Variants in PDE11A observed in about 807,000 individuals in gnomAD.
PDE11A encodes the protein phosphodiesterase 11A.
A neutral mutation model predicts 100.5 loss-of-function variants in PDE11A; 100 were observed. The ratio of observed to expected loss-of-function variants is 1.00; its 90% confidence interval spans 0.85 to 1.18. The LOEUF (loss-of-function observed/expected upper bound fraction) is 1.18, where lower values mean the gene tolerates loss of function less well. Among genes scored for constraint, PDE11A ranks in the 50% most tolerant of loss-of-function variants. PDE11A has a pLI of 0.00. For synonymous variants in PDE11A, 381 were observed against 420.8 expected (o/e 0.91, Z 1.16); for missense variants, 1,141 against 1,152.6 (o/e 0.99, Z 0.15).
At chr2:177,708,777 G>A (rs1014036141) in intron 13 of PDE11A, among the ~76,000 whole-genome samples, 1 of 152,128 alleles carries the variant, frequency 6.6e-6, no homozygotes, top group Non-Finnish European at 1.5e-5. Context: ...AACATTTATT[G>A]TTTATTATGC....
At chr2:177,762,276 G>A (rs145217611) in intron 10 of PDE11A, among the ~76,000 whole-genome samples, 2 of 152,334 alleles carry the variant, frequency 1.3e-5, no homozygotes, top group East Asian at 3.9e-4. Flanking sequence ...TGAACGAACA[G>A]TAGAGGGAAG....
chr2:178,026,660 C>CAAAAA (rs67326972), intron 1 of PDE11A, among the ~76,000 whole-genome samples: 7 of 108,012 alleles, frequency 6.5e-5, no homozygotes, highest in African/African-American at 2.5e-4. Flanking sequence ...GACTCTGTCT[C>CAAAAA]AAAAAAAAAA....
At chr2:177,944,728 G>C (rs971611900) in intron 2 of PDE11A, among the ~76,000 whole-genome samples, 1 of 152,048 alleles carries the variant, frequency 6.6e-6, no homozygotes, top group East Asian at 1.9e-4. Context: ...CCGAGGTGCG[G>C]GCTGTGAGAG....
chr2:177,784,865 G>T (rs2082508335), intron 9 of PDE11A, among the ~76,000 whole-genome samples: 1 of 152,208 alleles, frequency 6.6e-6, no homozygotes, highest in East Asian at 1.9e-4. Flanking sequence ...GCTATGAATT[G>T]CCCTAGGCTT....
chr2:178,036,598 T>C (rs977108120), intron 1 of PDE11A, among the ~76,000 whole-genome samples: 4 of 152,002 alleles, frequency 2.6e-5, no homozygotes, highest in African/African-American at 4.8e-5. Context: ...AAGCTGGACA[T>C]GTCATGCTAC....
intron 2 of PDE11A, among the ~76,000 whole-genome samples, chr2:178,094,711 G>A (rs1317322875): frequency 6.6e-6 from 1 of 152,100 alleles, no homozygotes; most frequent in African/African-American, 2.4e-5. Flanking sequence ...ACCCAAGACT[G>A]GGTAATTTAT....
At chr2:178,002,006 C>A (rs2086150962) in intron 2 of PDE11A, among the ~76,000 whole-genome samples, 1 of 151,996 alleles carries the variant, frequency 6.6e-6, no homozygotes, top group Non-Finnish European at 1.5e-5. Flanking sequence ...TATGAATGAT[C>A]CCATCACCTA....
chr2:177,849,798 A>AC (rs989260672), intron 5 of PDE11A, among the ~76,000 whole-genome samples: 22 of 150,812 alleles, frequency 1.5e-4, no homozygotes, highest in Non-Finnish European at 3.0e-4. Context: ...TCAAAAAAAA[A>AC]ACAAAAAAAC....
intron 19 of PDE11A, among the ~76,000 whole-genome samples, chr2:177,641,949 C>T (rs554626379): frequency 4.6e-5 from 7 of 152,188 alleles, no homozygotes; most frequent in South Asian, 2.1e-4. Flanking sequence ...ATTATCAACC[C>T]GTTTTAGAGA....
chr2:177,764,962 A>G (rs2082218870), intron 10 of PDE11A, among the ~76,000 whole-genome samples: 1 of 152,256 alleles, frequency 6.6e-6, no homozygotes, highest in Middle Eastern at 3.2e-3. Context: ...TATAAATGAT[A>G]TATCAGAATC....
intron 6 of PDE11A, among the ~76,000 whole-genome samples, chr2:177,839,829 C>T (rs1323582113): frequency 6.6e-6 from 1 of 152,150 alleles, no homozygotes; most frequent in African/African-American, 2.4e-5. Context: ...AGAATGTAAA[C>T]TTCAAAATTG....
intron 2 of PDE11A, among the ~76,000 whole-genome samples, chr2:177,937,879 G>T (rs1422503584): frequency 6.6e-6 from 1 of 152,114 alleles, no homozygotes; most frequent in Non-Finnish European, 1.5e-5. Context: ...TTTATTTTCT[G>T]AAGAGGAGCC....
At chr2:177,714,826 A>G (rs563283510) in intron 12 of PDE11A, among the ~76,000 whole-genome samples, 89 of 152,128 alleles carry the variant, frequency 5.9e-4, no homozygotes, top group African/African-American at 2.1e-3. Context: ...GCAATTTTGA[A>G]GTGGGTCAGA....
At chr2:177,651,247 G>A (rs1386218773) in intron 19 of PDE11A, among the ~76,000 whole-genome samples, 17 of 152,168 alleles carry the variant, frequency 1.1e-4, no homozygotes, top group Non-Finnish European at 2.5e-4. Flanking sequence ...TTACAGCAGA[G>A]ATACTGAGGT....
intron 10 of PDE11A, among the ~76,000 whole-genome samples, chr2:177,737,184 G>A (rs913012741): frequency 6.6e-6 from 1 of 151,958 alleles, no homozygotes; most frequent in African/African-American, 2.4e-5. Context: ...AGGTTGCGGT[G>A]AGCCAAGATC....
intron 2 of PDE11A, among the ~76,000 whole-genome samples, chr2:178,083,796 C>A (rs1009187088): frequency 6.6e-6 from 1 of 152,184 alleles, no homozygotes; most frequent in East Asian, 1.9e-4. Context: ...AACAGTTTCA[C>A]AGATTTTGCT....
At chr2:177,718,063 C>T (rs1396406981) in intron 12 of PDE11A, among the ~76,000 whole-genome samples, 2 of 152,122 alleles carry the variant, frequency 1.3e-5, no homozygotes, top group Non-Finnish European at 2.9e-5. Context: ...CATTAAGTGC[C>T]TATTATATAT....
At chr2:177,723,596 C>A (rs1483558438) in intron 12 of PDE11A, among the ~76,000 whole-genome samples, 1 of 152,076 alleles carries the variant, frequency 6.6e-6, no homozygotes, top group Admixed American at 6.6e-5. Flanking sequence ...TAGTTGTTCA[C>A]CATTTTATAG....
chr2:177,778,034 T>C (rs2082402010), intron 9 of PDE11A, among the ~76,000 whole-genome samples: 1 of 152,260 alleles, frequency 6.6e-6, no homozygotes, highest in Non-Finnish European at 1.5e-5. Flanking sequence ...GGATTGAACT[T>C]GCTTCCAGCA....
Sources: allele counts gnomAD v4.1 joint callset (sites outside exome capture counted in the v4.1 genomes callset), GRCh38; gene constraint gnomAD v4.1.1; transcripts MANE v1.5; gene names NCBI Gene and HGNC (gene_info 2026-07-23, HGNC 2026-07-21).